The following POLA1 variants were observed in gnomAD, a reference collection of about 807,000 sequenced individuals.
POLA1 encodes DNA polymerase alpha catalytic subunit.
Under a neutral mutation model 124.0 loss-of-function variants are expected in POLA1, and 15 were observed. That is an observed-to-expected ratio of 0.12 (90% confidence interval 0.08 to 0.19). The LOEUF (loss-of-function observed/expected upper bound fraction) is 0.19. Ranked by LOEUF, POLA1 falls within the 10% of genes least tolerant of loss-of-function variation. POLA1 has a pLI of 1.00. For synonymous variants in POLA1, 408 were observed against 389.4 expected (o/e 1.05, Z -0.56); for missense variants, 886 against 1,103.4 (o/e 0.80, Z 2.79).
At chrX:24,879,273 T>G (rs2046973914) in intron 34 of POLA1, among the ~76,000 whole-genome samples, 1 of 111,674 alleles carries the variant, frequency 9.0e-6, no homozygotes, top group African/African-American at 3.2e-5. Flanking sequence ...TTTCCTCCTT[T>G]CCCTTGTTGA....
intron 34 of POLA1, among the ~76,000 whole-genome samples, chrX:24,873,458 G>A (rs2046893785): frequency 8.9e-6 from 1 of 111,965 alleles, no homozygotes; most frequent in Admixed American, 9.5e-5. Context: ...AGAGACTGAA[G>A]ACAACCTGTT....
chrX:24,991,246 T>C (rs1343154027), intron 36 of POLA1, among the ~76,000 whole-genome samples: 2 of 107,204 alleles, frequency 1.9e-5, no homozygotes, highest in Non-Finnish European at 3.8e-5. Context: ...TGGTTGACAG[T>C]ACTTTTTATA....
intron 36 of POLA1, among the ~76,000 whole-genome samples, chrX:24,966,269 G>C (rs893460620): frequency 3.6e-5 from 4 of 111,003 alleles, no homozygotes; most frequent in African/African-American, 1.3e-4. Context: ...GCCACTTAAT[G>C]GCAAGTCTCT....
chrX:24,734,813 A>G (rs1398773298), intron 17 of POLA1, among the ~76,000 whole-genome samples: 1 of 111,215 alleles, frequency 9.0e-6, no homozygotes, highest in Non-Finnish European at 1.9e-5. Context: ...ACAGGGTTTC[A>G]CCATATTGAC....
At chrX:24,968,393 A>G (rs1359876295) in intron 36 of POLA1, among the ~76,000 whole-genome samples, 1 of 111,655 alleles carries the variant, frequency 9.0e-6, no homozygotes, top group Non-Finnish European at 1.9e-5. Flanking sequence ...TCATCAGATT[A>G]AGCATTTGCT....
chrX:24,874,866 A>G (rs2046911202), intron 34 of POLA1, among the ~76,000 whole-genome samples: 1 of 111,676 alleles, frequency 9.0e-6, no homozygotes, highest in Admixed American at 9.5e-5. Context: ...CAGAGTTAAG[A>G]ATTCTGGAGC....
rs1380424034 is a variant in POLA1 at position 24,974,492 on chromosome X, T to C, written c.4262-21313T>C. On this transcript the variant is annotated intron_variant, in intron 36 of 36. Coordinates refer to ENST00000379068, the MANE Select transcript of POLA1 (RefSeq NM_001330360.2). Reference sequence around the variant, plus strand: ...CAGCCATAAAAAAAGAATGAGTTCATGTACTTTGCAGGGACATGGATGAAG... The same window carrying C: ...CAGCCATAAAAAAAGAATGAGTTCACGTACTTTGCAGGGACATGGATGAAG... Among the ~76,000 whole-genome samples, 3 of 111,814 alleles carry C rather than the reference T, an allele frequency of 2.7e-5. No individual in the cohort carries two copies. In the East Asian group the frequency reaches 8.4e-4, roughly 31 times the overall value.
chrX:24,816,627 A>C (rs938063971), intron 30 of POLA1, among the ~76,000 whole-genome samples: 1 of 111,874 alleles, frequency 8.9e-6, no homozygotes, highest in Admixed American at 9.5e-5. Flanking sequence ...GTTACGACTT[A>C]AGACTTCTTT....
chrX:24,694,808 C>T (rs993818289), intron 1 of POLA1, among the ~76,000 whole-genome samples: 7 of 112,570 alleles, frequency 6.2e-5, no homozygotes, highest in African/African-American at 1.9e-4. Context: ...CGTCACCTCT[C>T]CTGTCATTCA....
intron 34 of POLA1, among the ~76,000 whole-genome samples, chrX:24,869,106 A>T (rs2046832573): frequency 9.0e-6 from 1 of 111,531 alleles, no homozygotes; most frequent in Non-Finnish European, 1.9e-5. Context: ...GCTAATTTTT[A>T]AATTTTTTAT....
intron 32 of POLA1, among the ~76,000 whole-genome samples, chrX:24,833,704 G>C (rs1325232047): frequency 8.9e-6 from 1 of 112,165 alleles, no homozygotes; most frequent in Non-Finnish European, 1.9e-5. Context: ...TGTGTTATAA[G>C]ACAAGCAATC....
chrX:24,825,165 C>T (rs923884630), intron 31 of POLA1, among the ~76,000 whole-genome samples: 11 of 112,480 alleles, frequency 9.8e-5, no homozygotes, highest in Non-Finnish European at 9.4e-5. Flanking sequence ...TCTGAAAGAG[C>T]AAGAATTAAA....
At chrX:24,775,139 TG>T (rs1209304250) in intron 26 of POLA1, 2 of 111,159 alleles carry the variant, frequency 1.8e-5, no homozygotes, top group African/African-American at 6.6e-5. Context: ...AACTTTAGAG[TG>T]AAAGTCCTGA....
In POLA1 at chrX:24,741,463, C is replaced by T. The variant is rs754704996; in HGVS notation, c.2305C>T (p.Pro769Ser). ...GATCATGTGTGAGCTAAATGTTCTT[C>T]CATTAGCATTGCAGATCACTAACAT... is the stretch of plus-strand genomic sequence containing the variant. ...LQIMCELNVL[P>S]LALQITNIAG... is the part of the protein sequence containing the mutation. The change falls in exon 21 of 37, where the codon CCA (proline) becomes TCA (serine). Residue 769 changes from proline (P) to serine (S), a missense_variant. Physicochemically the swap from Pro to Ser is moderately conservative, Grantham distance 74. Transcript: ENST00000379068. The T allele has an allele frequency of 2.3e-5, 28 of 1,202,744 alleles. No homozygotes were observed. The highest frequency in any genetic ancestry group is 3.2e-5 in the Non-Finnish European group (28 of 887,647).
At chrX:24,709,145 C>T (rs1929081696) in intron 4 of POLA1, among the ~76,000 whole-genome samples, 1 of 76,265 alleles carries the variant, frequency 1.3e-5, no homozygotes, top group African/African-American at 5.0e-5. Flanking sequence ...GGCGGCCGGG[C>T]AGAGGCGCCC....
At chrX:24,927,814 T>C (rs1301625053) in intron 35 of POLA1, among the ~76,000 whole-genome samples, 1 of 112,055 alleles carries the variant, frequency 8.9e-6, no homozygotes, top group Non-Finnish European at 1.9e-5. Flanking sequence ...CATTTAAGTG[T>C]GAGGAAAAAA....
At chrX:24,959,317 G>A (rs1359413779) in intron 36 of POLA1, among the ~76,000 whole-genome samples, 1 of 110,526 alleles carries the variant, frequency 9.0e-6, no homozygotes, top group Non-Finnish European at 1.9e-5. Context: ...TACAAAAATT[G>A]GCTGGGCATG....
intron 24 of POLA1, among the ~76,000 whole-genome samples, chrX:24,747,171 CT>C (rs1192407156): frequency 7.9e-5 from 7 of 88,641 alleles, no homozygotes; most frequent in Admixed American, 3.6e-4. Context: ...TTTTTTTTTT[CT>C]TTTTTTTTTG....
chrX:24,873,138 G>T (rs760523290), intron 34 of POLA1, among the ~76,000 whole-genome samples: 5 of 111,607 alleles, frequency 4.5e-5, no homozygotes, highest in African/African-American at 1.6e-4. Context: ...CACCATCACA[G>T]TATCCTACAG....
Sources: allele counts gnomAD v4.1 joint callset (sites outside exome capture counted in the v4.1 genomes callset), GRCh38; gene constraint gnomAD v4.1.1; transcripts MANE v1.5; gene names NCBI Gene and HGNC (gene_info 2026-07-23, HGNC 2026-07-21).